Variants in ALKBH8 observed in about 807,000 individuals in gnomAD.
ALKBH8 encodes alkB homolog 8, tRNA methyltransferase.
ALKBH8 carries 36 observed loss-of-function variants against 59.8 expected under a neutral mutation model. That is an observed-to-expected ratio of 0.60 (90% CI 0.46 to 0.79). The LOEUF (loss-of-function observed/expected upper bound fraction) is 0.79. Ranked by LOEUF, ALKBH8 falls within the 30% of genes least tolerant of loss-of-function variation. ALKBH8 has a pLI of 0.00. For missense variants in ALKBH8, 768 were observed against 801.0 expected, an observed-to-expected ratio of 0.96 and a Z score of 0.50; for synonymous variants, 276 against 273.6, an observed-to-expected ratio of 1.01 and a Z score of -0.09.
intron 11 of ALKBH8, among the ~76,000 whole-genome samples, chr11:107,508,048 T>TATAA (rs1265868212): frequency 1.3e-5 from 2 of 152,016 alleles, no homozygotes; most frequent in Non-Finnish European, 2.9e-5. Context: ...TCCAACAAAT[T>TATAA]ATAAATAAAT....
intron 7 of ALKBH8, among the ~76,000 whole-genome samples, chr11:107,540,790 T>C (rs1184374988): frequency 1.3e-5 from 2 of 152,240 alleles, no homozygotes; most frequent in Non-Finnish European, 2.9e-5. Flanking sequence ...GAAAAGGTTA[T>C]AGAAGAAATA....
intron 2 of ALKBH8, 54 bp downstream of exon 2, chr11:107,560,711 A>G: frequency 6.7e-7 from 1 of 1,495,928 alleles, no homozygotes; most frequent in East Asian, 2.3e-5. Context: ...TTAATATAAT[A>G]CATTAACATG....
intron 2 of ALKBH8, among the ~76,000 whole-genome samples, chr11:107,558,772 G>C (rs1026578329): frequency 6.6e-6 from 1 of 152,132 alleles, no homozygotes; most frequent in Non-Finnish European, 1.5e-5. Context: ...AATTGTTCAA[G>C]CAATTTTCTA....
At chr11:107,516,494 T>G (rs1228128294) in intron 10 of ALKBH8, among the ~76,000 whole-genome samples, 1 of 152,194 alleles carries the variant, frequency 6.6e-6, no homozygotes, top group Non-Finnish European at 1.5e-5. Context: ...CCTGAAATTA[T>G]GAAACTACTA....
chr11:107,549,755 C>G lies in ALKBH8; in HGVS notation c.769G>C (p.Glu257Gln), dbSNP rs1327967261. ...AGCTAATAAAAATGACCATTTACCT[C>G]TGACCCCAAACTGAGAGAAACGATC... ...DEIVSLSLGS[E>Q]IVMDFKHPDG... Residue 257 changes from glutamate (E) to glutamine (Q), a missense_variant and splice_region_variant, in exon 7 of 12, where the codon GAG becomes CAG. Glu to Gln is a conservative substitution (Grantham distance 29). Coordinates refer to ENST00000428149, the MANE Select transcript of ALKBH8 (RefSeq NM_138775.3). 6.5e-6 allele frequency: 10 copies of G among 1,545,836 alleles called. No homozygotes were observed. The highest frequency in any genetic ancestry group is 7.9e-6 in the Non-Finnish European group (9 of 1,141,828).
intron 7 of ALKBH8, among the ~76,000 whole-genome samples, chr11:107,546,469 C>T (rs150671507): frequency 0.016 from 2,489 of 152,166 alleles, 33 homozygotes; most frequent in Non-Finnish European, 0.026. Context: ...TGTCATATAA[C>T]CCGATGCAGC....
rs142254179 is a variant in ALKBH8 at position 107,541,667 on chromosome 11, C to T, written c.771+8086G>A. On this transcript the variant is annotated intron_variant, in intron 7 of 11. Transcript: ENST00000428149. ...AAAATCTAGCTAAATAACAAAATCA[C>T]CTGTGAGCTTTCTATAAATGTAGAA... Among the ~76,000 whole-genome samples, 305 of 152,242 alleles carry T rather than the reference C, an allele frequency of 2.0e-3. 1 individual carries two copies. The highest frequency in any genetic ancestry group is 6.9e-3 in the African/African-American group (287 of 41,536).
intron 4 of ALKBH8, 24 bp from the exon 5 acceptor site, chr11:107,553,227 C>T: frequency 6.2e-6 from 9 of 1,458,688 alleles, no homozygotes; most frequent in Middle Eastern, 1.8e-4. Context: ...ACAAAGTAAA[C>T]AATTAAGAAG....
intron 1 of ALKBH8, among the ~76,000 whole-genome samples, chr11:107,564,173 T>C (rs1865044139): frequency 6.6e-6 from 1 of 152,152 alleles, no homozygotes; most frequent in Admixed American, 6.5e-5. Flanking sequence ...CTAAGCGTAC[T>C]CTCTGTGGGA....
chr11:107,551,819 T>C lies in ALKBH8; in HGVS notation c.689A>G (p.Glu230Gly). Residue 230 changes from glutamate to glycine, a missense_variant, in exon 6 of 12, where the codon GAA becomes GGA. Glu to Gly is a moderately conservative substitution (Grantham distance 98). Coordinates refer to ENST00000428149, the MANE Select transcript of ALKBH8 (RefSeq NM_138775.3). ...KPDQMTINQY[E>G]PGQGIPAHID... ...CAAGAAATACTCACCTTGCCCAGGT[T>C]CATACTGATTTATGGTCATTTGATC... 1 of 1,540,404 alleles carries C rather than the reference T, an allele frequency of 6.5e-7. No individual in the cohort carries two copies. The highest frequency in any genetic ancestry group is 8.7e-7 in the Non-Finnish European group (1 of 1,151,116).
chr11:107,550,083 G>A (rs140193859), intron 6 of ALKBH8, among the ~76,000 whole-genome samples: 2 of 152,282 alleles, frequency 1.3e-5, no homozygotes, highest in East Asian at 3.9e-4. Context: ...GATTAACTAG[G>A]ACACTTAACT....
chr11:107,529,379 T>C (rs993070646), intron 8 of ALKBH8, among the ~76,000 whole-genome samples: 2 of 152,192 alleles, frequency 1.3e-5, no homozygotes, highest in Non-Finnish European at 2.9e-5. Flanking sequence ...CATAAATAAA[T>C]GAAACAGGTG....
chr11:107,557,997 G>C (rs1168878921), intron 2 of ALKBH8, among the ~76,000 whole-genome samples: 2 of 152,130 alleles, frequency 1.3e-5, no homozygotes, highest in African/African-American at 4.8e-5. Flanking sequence ...TCTGAGAAGA[G>C]GTAGATAGTA....
In ALKBH8 at chr11:107,503,874, C is replaced by G. The variant is rs549850046; in HGVS notation, c.*784G>C. 6.6e-6 allele frequency: 1 copy of G among 152,316 alleles called. No homozygotes were observed. Among genetic ancestry groups the G allele is most frequent in the East Asian group, 1.9e-4 (1 of 5,190 alleles). The allele number at this position is 152,316 out of a possible 1,614,324, so 9.4% of individuals were successfully genotyped here. On this transcript the variant is annotated 3_prime_UTR_variant, in exon 12 of 12. Coordinates refer to ENST00000428149, the MANE Select transcript of ALKBH8 (RefSeq NM_138775.3). Reference sequence around the variant, plus strand: ...TCAGGATTAGTAGTTATTTCAGTCACTTAAAAGTAATCTTTTGCTCCAAGG... The same window carrying G: ...TCAGGATTAGTAGTTATTTCAGTCAGTTAAAAGTAATCTTTTGCTCCAAGG...
chr11:107,563,015 G>T (rs1005548298), intron 1 of ALKBH8, among the ~76,000 whole-genome samples: 2 of 152,156 alleles, frequency 1.3e-5, no homozygotes, highest in Non-Finnish European at 2.9e-5. Context: ...GTCAGGAGGA[G>T]GTTCAGGAAG....
intron 7 of ALKBH8, among the ~76,000 whole-genome samples, chr11:107,547,411 T>C (rs574226334): frequency 1.3e-5 from 2 of 152,320 alleles, no homozygotes; most frequent in South Asian, 4.1e-4. Context: ...TTCCTCCTGT[T>C]ACAGAAGTGA....
chr11:107,523,453 G>A (rs1036025916), intron 9 of ALKBH8, among the ~76,000 whole-genome samples: 1 of 152,110 alleles, frequency 6.6e-6, no homozygotes, highest in African/African-American at 2.4e-5. Flanking sequence ...CCAGGGGCTG[G>A]AGCAGTTGGG....
At chr11:107,526,538 C>T (rs1025728659) in intron 8 of ALKBH8, among the ~76,000 whole-genome samples, 15 of 151,796 alleles carry the variant, frequency 9.9e-5, no homozygotes, top group African/African-American at 2.7e-4. Flanking sequence ...GCTGCCTTCT[C>T]GTTTTCTCAA....
chr11:107,553,702 G>T, intron 4 of ALKBH8, 145 bp downstream of exon 4: 2 of 799,784 alleles, frequency 2.5e-6, no homozygotes, highest in Non-Finnish European at 3.8e-6. Context: ...ATGTTCCTAA[G>T]AATTGTTGGT....
Sources: gnomAD v4.1 joint callset for allele counts (sites outside exome capture counted in the v4.1 genomes callset) on GRCh38, gnomAD v4.1.1 for gene constraint, MANE v1.5 for transcripts, NCBI Gene and HGNC (gene_info 2026-07-23, HGNC 2026-07-21) for gene names.